The following CLEC1A variants were observed in gnomAD, a reference collection of about 807,000 sequenced individuals.
The protein encoded by CLEC1A is C-type lectin domain family 1 member A, also known as C-type lectin-like receptor-1.
A neutral mutation model predicts 28.7 loss-of-function variants in CLEC1A; 34 were observed. The ratio of observed to expected loss-of-function variants is 1.18; its 90% CI spans 0.90 to 1.57. CLEC1A has a LOEUF of 1.57. Among genes scored for constraint, CLEC1A ranks in the 40% most tolerant of loss-of-function variants. The probability of loss-of-function intolerance (pLI) is 0.00; values close to 1 mark genes in which losing one functional copy is unlikely to be tolerated. For missense variants in CLEC1A, 385 were observed against 339.5 expected (o/e 1.13, Z -1.05); for synonymous variants, 116 against 121.0 (o/e 0.96, Z 0.27).
chr12:10,081,433 C>A lies in CLEC1A; in HGVS notation c.215-20G>T. On this transcript the variant is annotated intron_variant, in intron 2 of 5. Transcript: ENST00000315330. ...GAAAAACTAACCCAAATGACCAAGT[C>A]AGACTGGACAGCTTATTTCTATGTT... is the stretch of plus-strand genomic sequence containing the variant. 1 of 1,564,608 alleles carries A rather than the reference C, an allele frequency of 6.4e-7. No homozygotes were observed. The highest frequency in any genetic ancestry group is 1.2e-5 in the South Asian group (1 of 83,768).
intron 3 of CLEC1A, among the ~76,000 whole-genome samples, chr12:10,077,062 A>C (rs1318402702): frequency 6.6e-6 from 1 of 152,178 alleles, no homozygotes; most frequent in Non-Finnish European, 1.5e-5. Flanking sequence ...TCCTACTTGT[A>C]GGGGAATTAA....
intron 1 of CLEC1A, among the ~76,000 whole-genome samples, chr12:10,096,914 G>A (rs10845040): frequency 0.76 from 114,772 of 151,930 alleles, 45,094 homozygotes; most frequent in Non-Finnish European, 0.88. Flanking sequence ...ATTAAGCCGA[G>A]AGCTTGGTTA....
Position 10,069,997 on chromosome 12 carries a change from A to G in CLEC1A, c.*1336T>C, listed in dbSNP as rs188481273. ...CACTGTTGAAAAACAAAGATTTATA[A>G]TGTTATCTTTTCTAGCATAAAACCC... is the stretch of plus-strand genomic sequence containing the variant. On this transcript the variant is annotated 3_prime_UTR_variant, in exon 6 of 6. Coordinates refer to ENST00000315330, the MANE Select transcript of CLEC1A (RefSeq NM_016511.4). The G allele has an allele frequency of 6.6e-6, 1 of 152,352 alleles. No homozygotes were observed. The highest frequency in any genetic ancestry group is 2.4e-5 in the African/African-American group (1 of 41,584). 9.4% of individuals were successfully genotyped at this position (152,352 alleles called of 1,614,324 possible).
At chr12:10,074,095 C>G (rs1866197767) in intron 4 of CLEC1A, among the ~76,000 whole-genome samples, 1 of 152,134 alleles carries the variant, frequency 6.6e-6, no homozygotes, top group Non-Finnish European at 1.5e-5. Context: ...CACTCTGTTG[C>G]CCAGGCTGGA....
intron 2 of CLEC1A, among the ~76,000 whole-genome samples, 181 bp downstream of exon 2, chr12:10,088,942 AT>A (rs11376074): frequency 5.4e-4 from 82 of 150,824 alleles, no homozygotes; most frequent in African/African-American, 1.8e-3. Context: ...TTGGCAACTG[AT>A]TTTTTTTTTA....
chr12:10,074,942 A>C (rs1866219193), intron 4 of CLEC1A, among the ~76,000 whole-genome samples: 1 of 152,236 alleles, frequency 6.6e-6, no homozygotes, highest in Non-Finnish European at 1.5e-5. Context: ...GCAGTAATAA[A>C]TATGAGAGAA....
At chr12:10,098,298 C>A (rs1042889828) in intron 1 of CLEC1A, among the ~76,000 whole-genome samples, 2 of 152,084 alleles carry the variant, frequency 1.3e-5, no homozygotes, top group Non-Finnish European at 2.9e-5. Flanking sequence ...TACTCACAAC[C>A]ACCTTGTAAA....
At chr12:10,082,439 T>G (rs1247024954) in intron 2 of CLEC1A, among the ~76,000 whole-genome samples, 1 of 152,098 alleles carries the variant, frequency 6.6e-6, no homozygotes. Flanking sequence ...GTGACCTGTA[T>G]GACACAGCAG....
At chr12:10,089,361 C>CT in intron 1 of CLEC1A, 139 bp from the exon 2 acceptor site, 1 of 654,928 alleles carries the variant, frequency 1.5e-6, no homozygotes, top group Non-Finnish European at 2.7e-6. Context: ...GGATAACCTG[C>CT]TTTCTGTCCT....
At chr12:10,079,595 C>T (rs533833921) in intron 3 of CLEC1A, among the ~76,000 whole-genome samples, 1 of 151,748 alleles carries the variant, frequency 6.6e-6, no homozygotes, top group African/African-American at 2.4e-5. Context: ...CTGAGGCGGG[C>T]AGATCACTTG....
intron 2 of CLEC1A, among the ~76,000 whole-genome samples, chr12:10,088,138 A>G (rs918528452): frequency 6.6e-6 from 1 of 152,150 alleles, no homozygotes; most frequent in Non-Finnish European, 1.5e-5. Context: ...GTAAATTCCT[A>G]ACATCATTTG....
intron 3 of CLEC1A, among the ~76,000 whole-genome samples, chr12:10,078,613 G>T (rs145501279): frequency 2.4e-4 from 36 of 152,256 alleles, no homozygotes; most frequent in African/African-American, 8.2e-4. Flanking sequence ...TAGGTTGGCC[G>T]ATCATTACTG....
Position 10,071,342 on chromosome 12 carries a change from T to C in CLEC1A, c.834A>G (p.Glu278=), listed in dbSNP as rs2137323989. Residue 278 remains glutamate (E), a synonymous_variant, in exon 6 of 6, where the codon GAA becomes GAG. Transcript: ENST00000315330. The part of the protein sequence containing the change: ...SLHVPPETLG[E]GD ...AGTTGCAGAGGGCGAATCAGTCACC[T>C]TCGCCTAATGTTTCAGGGGGGACAT... 6.2e-7 allele frequency: 1 copy of C among 1,613,412 alleles called. No individual in the cohort carries two copies. Among genetic ancestry groups the C allele is most frequent in the East Asian group, 2.2e-5 (1 of 44,872 alleles).
In CLEC1A at chr12:10,076,778, C is replaced by T. The variant is rs562803098; in HGVS notation, c.392-1123G>A. 2.0e-5 allele frequency among the ~76,000 whole-genome samples: 3 copies of T among 152,226 alleles called. 1 individual carries two copies. Among genetic ancestry groups the T allele is most frequent in the African/African-American group, 7.2e-5 (3 of 41,548 alleles). On this transcript the variant is annotated intron_variant, in intron 3 of 5. Coordinates refer to ENST00000315330, the MANE Select transcript of CLEC1A (RefSeq NM_016511.4). Reference sequence around the variant, plus strand: ...GCATAAAAAGCATTTAATAAAGGTCCGTTTCAACTATGGTCCCTGTTGTTG... The same window carrying T: ...GCATAAAAAGCATTTAATAAAGGTCTGTTTCAACTATGGTCCCTGTTGTTG...
chr12:10,075,480 C>T (rs1866230686), intron 4 of CLEC1A, 24 bp downstream of exon 4: 2 of 1,610,956 alleles, frequency 1.2e-6, no homozygotes. Context: ...ATCCTTCAAA[C>T]ATTGAAAAGC....
chr12:10,072,790 A>G (rs1227179674), intron 5 of CLEC1A, among the ~76,000 whole-genome samples: 1 of 152,192 alleles, frequency 6.6e-6, no homozygotes, highest in Non-Finnish European at 1.5e-5. Flanking sequence ...GTTCAAAAGC[A>G]GGCACTGGCC....
chr12:10,096,591 T>C (rs544562379), intron 1 of CLEC1A, among the ~76,000 whole-genome samples: 31 of 152,078 alleles, frequency 2.0e-4, no homozygotes, highest in Non-Finnish European at 3.7e-4. Flanking sequence ...TTTTAACTAT[T>C]GAATAGAATT....
chr12:10,073,265 T>C (rs374365070), intron 5 of CLEC1A, 28 bp downstream of exon 5: 408 of 1,526,020 alleles, frequency 2.7e-4, no homozygotes, highest in Non-Finnish European at 3.4e-4. Context: ...GTTAAATGCC[T>C]TTCCCATAAA....
intron 1 of CLEC1A, among the ~76,000 whole-genome samples, chr12:10,095,117 T>A (rs1947759815): frequency 6.6e-6 from 1 of 152,144 alleles, no homozygotes; most frequent in South Asian, 2.1e-4. Context: ...TAATGTCTTG[T>A]CATTAGTAGG....
Sources: allele counts gnomAD v4.1 joint callset (sites outside exome capture counted in the v4.1 genomes callset), GRCh38; gene constraint gnomAD v4.1.1; transcripts MANE v1.5; gene names NCBI Gene and HGNC (gene_info 2026-07-23, HGNC 2026-07-21).